Variants in BCL9L observed in about 807,000 individuals in gnomAD.
The protein encoded by BCL9L is B-cell CLL/lymphoma 9-like protein.
A neutral mutation model predicts 99.4 loss-of-function variants in BCL9L; 19 were observed. The observed-to-expected ratio is 0.19, with a 90% confidence interval of 0.13 to 0.28. The LOEUF is 0.28. Ranked by LOEUF, BCL9L falls within the 10% of genes least tolerant of loss-of-function variation. The pLI, the probability that BCL9L is intolerant of heterozygous loss-of-function variation, is 1.00. For missense variants in BCL9L, 2,023 were observed against 2,101.6 expected, an observed-to-expected ratio of 0.96 and a Z score of 0.73; for synonymous variants, 900 against 854.8, an observed-to-expected ratio of 1.05 and a Z score of -0.92.
At chr11:118,904,584 C>T (rs1482753373) in intron 5 of BCL9L, among the ~76,000 whole-genome samples, 3 of 152,170 alleles carry the variant, frequency 2.0e-5, no homozygotes, top group Non-Finnish European at 4.4e-5. Context: ...TAAGTCTTAG[C>T]GTAGAAAAAA....
Position 118,898,530 on chromosome 11 carries a change from G to A in BCL9L, c.4385C>T (p.Pro1462Leu), listed in dbSNP as rs750741129. 2.5e-6 allele frequency: 4 copies of A among 1,600,236 alleles called. No homozygotes were observed. Among genetic ancestry groups the A allele is most frequent in the Admixed American group, 3.4e-5 (2 of 59,300 alleles). The change falls in exon 10 of 10, where the codon CCC becomes CTC. Residue 1462 changes from proline (P) to leucine (L), a missense_variant. Pro to Leu is a moderately conservative substitution (Grantham distance 98, BLOSUM62 -3). Around this residue, in one of 3 missense-constraint regions of BCL9L, gnomAD observed 902 missense variants for 888.2 expected, o/e 1.02. Coordinates refer to ENST00000683865, the MANE Select transcript of BCL9L (RefSeq NM_001378213.1). ...MLSPQGSLMGPPPQQNLMVSH... is the reference protein window; with the variant it reads ...MLSPQGSLMGLPPQQNLMVSH... ...CACCATGAGGTTCTGCTGGGGCGGG[G>A]GGCCCATGAGGGAGCCCTGCGGGGA...
In BCL9L at chr11:118,903,708, G is replaced by T. The variant is rs1254789930; in HGVS notation, c.533-256C>A. Among the ~76,000 whole-genome samples the T allele has an allele frequency of 6.6e-6, 1 of 152,152 alleles. No homozygotes were observed. The highest frequency in any genetic ancestry group is 1.5e-5 in the Non-Finnish European group (1 of 68,036). Reference sequence around the variant, plus strand: ...ATTCTGCTGGGGACTTAACAGGTGTGATTTCATCTCATCAACACACCCTGG... The same window carrying T: ...ATTCTGCTGGGGACTTAACAGGTGTTATTTCATCTCATCAACACACCCTGG... On this transcript the variant is annotated intron_variant, in intron 5 of 9. Transcript: ENST00000683865. The surrounding 1 kb of genome is among the most constrained non-coding windows in gnomAD (Gnocchi z 5.6).
intron 5 of BCL9L, among the ~76,000 whole-genome samples, chr11:118,906,758 G>T (rs1940540258): frequency 6.6e-6 from 1 of 151,998 alleles, no homozygotes. Flanking sequence ...CTGGGCTCAA[G>T]CAATTCTCCG....
At position 118,899,387 on chromosome 11, in the gene BCL9L, G is replaced by A. The variant is rs780049002; in HGVS notation, c.3528C>T (p.Pro1176=). Residue 1176 remains proline, a synonymous_variant, in exon 10 of 10, where the codon CCC becomes CCT. Transcript: ENST00000683865. ...LSHEPPPAML[P]SPTPLGSNIP... is the part of the protein sequence containing the mutation. ...TGTTGGAGCCCAGAGGGGTGGGGGA[G>A]GGCAGCATGGCGGGCGGGGGCTCAT... 3.8e-6 allele frequency: 6 copies of A among 1,585,954 alleles called. No individual in the cohort carries two copies. Among genetic ancestry groups the A allele is most frequent in the Admixed American group, 1.8e-5 (1 of 55,684 alleles).
chr11:118,898,294 G>GCCCCCACCCCCCCCCCCCCCCCCCC lies in BCL9L; in HGVS notation c.*120_*121insGGGGGGGGGGGGGGGGGGGTGGGGG. On this transcript the variant is annotated 3_prime_UTR_variant, in exon 10 of 10. Transcript: ENST00000683865. ...TCCACAAATGCCACTCCCTACACAA[G>GCCCCCACCCCCCCCCCCCCCCCCCC]CCCCCTCCCACCCCCTCCACCCCAC... The GCCCCCACCCCCCCCCCCCCCCCCCC allele has an allele frequency of 2.2e-6, 1 of 452,312 alleles. No individual in the cohort carries two copies. The highest frequency in any genetic ancestry group is 4.1e-6 in the Non-Finnish European group (1 of 244,762). 28.0% of individuals were successfully genotyped at this position (452,312 alleles called of 1,614,324 possible).
Position 118,899,196 on chromosome 11 carries a change from G to A in BCL9L, c.3719C>T (p.Ala1240Val). The A allele has an allele frequency of 2.0e-6, 3 of 1,494,844 alleles. No individual in the cohort carries two copies. Among genetic ancestry groups the A allele is most frequent in the Non-Finnish European group, 2.7e-6 (3 of 1,121,538 alleles). 92.6% of individuals were successfully genotyped at this position (1,494,844 alleles called of 1,614,324 possible). A position where few individuals can be genotyped will look rare whatever the true frequency, so the allele number is the denominator to read the frequency against. ...CCCCCCGCCCCCACCCCCAGTGGGG[G>A]CCATGGCACCATGGGGCTGCTGCAG... is the stretch of plus-strand genomic sequence containing the variant. The part of the protein sequence containing the change: ...PRLQQPHGAM[A>V]PTGGGGGGPG... The change falls in exon 10 of 10, where the codon GCC (alanine) becomes GTC (valine). Residue 1240 changes from alanine to valine, a missense_variant. Physicochemically the swap from Ala to Val is moderately conservative, Grantham distance 64. Around this residue, in one of 3 missense-constraint regions of BCL9L, gnomAD observed 902 missense variants for 888.2 expected, o/e 1.02. Transcript: ENST00000683865.
At chr11:118,923,548 T>C (rs1941203056) in intron 1 of BCL9L, among the ~76,000 whole-genome samples, 1 of 152,134 alleles carries the variant, frequency 6.6e-6, no homozygotes, top group Non-Finnish European at 1.5e-5. Context: ...TGACTCCCCA[T>C]CCTAGTAGAG....
rs11217096 is a variant in BCL9L at position 118,925,861 on chromosome 11, C to T, written c.-754G>A. ...GGCTCCGCCGCGCGCCGCCGCCTCC[C>T]CGGGCTCCCCTGCGCTGCCGGAGCC... On this transcript the variant is annotated 5_prime_UTR_variant, in exon 1 of 10. Transcript: ENST00000683865. This position sits in a 1 kb window ranked among gnomAD's most constrained non-coding sequence, Gnocchi z 6.4. Among the ~76,000 whole-genome samples the T allele has an allele frequency of 0.43, 65,725 of 151,372 alleles. 14,658 individuals carry two copies. The highest frequency in any genetic ancestry group is 0.67 in the East Asian group (3,390 of 5,064).
rs1286294353 is a variant in BCL9L, at chr11:118,922,482, G to A, written c.-131+2756C>T. 6.6e-6 allele frequency among the ~76,000 whole-genome samples: 1 copy of A among 152,194 alleles called. No homozygotes were observed. Among genetic ancestry groups the A allele is most frequent in the African/African-American group, 2.4e-5 (1 of 41,446 alleles). ...AGGGCAGCCCCCACGGTGTGTTTGT[G>A]GGTGGGCAGCTGTCGGGGCTGGCAG... On this transcript the variant is annotated intron_variant, in intron 1 of 9. Transcript: ENST00000683865. The surrounding 1 kb of genome is among the most constrained non-coding windows in gnomAD (Gnocchi z 6.2).
At position 118,902,379 on chromosome 11, in the gene BCL9L, G is replaced by C. The variant is rs1237236335; in HGVS notation, c.1364C>G (p.Pro455Arg). The change falls in exon 8 of 10, where the codon CCC becomes CGC. Residue 455 changes from proline (P) to arginine (R), a missense_variant. Pro to Arg is a moderately radical substitution (Grantham distance 103). This residue lies in a region of BCL9L where 1,116 missense variants were observed against 1,194.6 expected (regional missense o/e 0.93). Coordinates refer to ENST00000683865, the MANE Select transcript of BCL9L (RefSeq NM_001378213.1). This position sits in a 1 kb window ranked among gnomAD's most constrained non-coding sequence, Gnocchi z 7.8. ...CTTCAGCCCGCTGGGAGGGGCCGTG[G>C]GTGGCTGCTGGGGGGGAGGGGGGGC... Reference protein sequence around the residue: ...AQAPPPPQQPPTAPPSGLKKY... With the variant: ...AQAPPPPQQPRTAPPSGLKKY... The C allele has an allele frequency of 6.5e-7, 1 of 1,544,578 alleles. No individual in the cohort carries two copies.
chr11:118,915,162 G>GT (rs1357294639), intron 2 of BCL9L, among the ~76,000 whole-genome samples: 2 of 152,118 alleles, frequency 1.3e-5, no homozygotes, highest in African/African-American at 4.8e-5. Flanking sequence ...TAGTCAGACA[G>GT]TGTCAATCAC....
In BCL9L at chr11:118,899,339, C is replaced by T; in HGVS notation, c.3576G>A (p.Gln1192=). 6.4e-7 allele frequency: 1 copy of T among 1,570,622 alleles called. No individual in the cohort carries two copies. Among genetic ancestry groups the T allele is most frequent in the Non-Finnish European group, 8.6e-7 (1 of 1,159,274 alleles). Residue 1192 remains glutamine, a synonymous_variant, in exon 10 of 10, where the codon CAG becomes CAA. Coordinates refer to ENST00000683865, the MANE Select transcript of BCL9L (RefSeq NM_001378213.1). ...GSNIPLHPNA[Q]GTGGPPQNSM... ...AGTTTTGAGGGGGCCCCCCTGTCCC[C>T]TGTGCGTTGGGATGCAGTGGAATGT...
In BCL9L at chr11:118,898,669, G is replaced by A. The variant is rs1591972934; in HGVS notation, c.4246C>T (p.Leu1416=). The change falls in exon 10 of 10, where the codon CTG becomes TTG. Residue 1416 remains leucine (L), a synonymous_variant. Transcript: ENST00000683865. ...GGAGGGGACATGACCCCCTGGTGCA[G>A]GCCATGGGGCACCATCCCCTGCTGT... The part of the protein sequence containing the change: ...PPQQGMVPHG[L]HQGVMSPPQG... The A allele has an allele frequency of 1.2e-6, 2 of 1,611,312 alleles. No individual in the cohort carries two copies. Among genetic ancestry groups the A allele is most frequent in the Admixed American group, 1.7e-5 (1 of 59,870 alleles).
Position 118,908,376 on chromosome 11 carries a change from G to C in BCL9L, c.306C>G (p.Pro102=), listed in dbSNP as rs769347569. 1.2e-6 allele frequency: 2 copies of C among 1,613,884 alleles called. No individual in the cohort carries two copies. Among genetic ancestry groups the C allele is most frequent in the Middle Eastern group, 1.7e-4 (1 of 6,060 alleles). ...CCTTGCCCTTGAGCGAGCTGAAAGGGGGCACCCCTGCCTGGGGGTTCTTCA... is the reference window on the plus strand; with the variant it reads ...CCTTGCCCTTGAGCGAGCTGAAAGGCGGCACCCCTGCCTGGGGGTTCTTCA... ...SSLKNPQAGV[P]PFSSLKGKVK... The change falls in exon 4 of 10, where the codon CCC becomes CCG. Residue 102 remains proline, a synonymous_variant. Transcript: ENST00000683865.
chr11:118,901,814 C>A lies in BCL9L; in HGVS notation c.1929G>T (p.Leu643Phe), dbSNP rs1414663122. The change falls in exon 8 of 10, where the codon TTG (leucine) becomes TTT (phenylalanine). Residue 643 changes from leucine to phenylalanine, a missense_variant. Coordinates refer to ENST00000683865, the MANE Select transcript of BCL9L (RefSeq NM_001378213.1). This position sits in a 1 kb window ranked among gnomAD's most constrained non-coding sequence, Gnocchi z 6.6. Reference protein sequence around the residue: ...VRPGMGWTEDLPPMGGPSNFA... With the variant: ...VRPGMGWTEDFPPMGGPSNFA... ...AATTGCTGGGTCCCCCCATAGGGGG[C>A]AAGTCTTCGGTCCAGCCCATGCCTG... 1.9e-6 allele frequency: 3 copies of A among 1,610,254 alleles called. No homozygotes were observed. The highest frequency in any genetic ancestry group is 2.2e-5 in the East Asian group (1 of 44,754).
chr11:118,900,990 G>T lies in BCL9L; in HGVS notation c.2753C>A (p.Thr918Asn), dbSNP rs141828809. The T allele has an allele frequency of 7.1e-6, 11 of 1,553,796 alleles. No individual in the cohort carries two copies. In the South Asian group the frequency reaches 1.2e-4, roughly 18 times the overall value. Residue 918 changes from threonine (T) to asparagine (N), a missense_variant, in exon 8 of 10, where the codon ACC becomes AAC. By Grantham distance (65) the Thr-to-Asn change is moderately conservative. Transcript: ENST00000683865. This position sits in a 1 kb window ranked among gnomAD's most constrained non-coding sequence, Gnocchi z 5.3. ...TGAGCCCATCTGATTAATACTGATG[G>T]TGAGGTCCGAAGGCCGCCTGCCTAG... ...RGLGRRPSDLTISINQMGSPG... is the reference protein window; with the variant it reads ...RGLGRRPSDLNISINQMGSPG...
rs779477924 is a variant in BCL9L at position 118,901,061 on chromosome 11, A to C, written c.2682T>G (p.Pro894=). Residue 894 remains proline (P), a synonymous_variant, in exon 8 of 10, where the codon CCT becomes CCG. Transcript: ENST00000683865. This position sits in a 1 kb window ranked among gnomAD's most constrained non-coding sequence, Gnocchi z 6.6. ...TTRLSHMPLP[P]ASNPPGTVHS... is the part of the protein sequence containing the mutation. ...GCACGGTCCCAGGAGGATTGGACGC[A>C]GGGGGCAGAGGCATGTGGCTGAGCC... 1 of 1,599,694 alleles carries C rather than the reference A, an allele frequency of 6.3e-7. No homozygotes were observed. Among genetic ancestry groups the C allele is most frequent in the Non-Finnish European group, 8.5e-7 (1 of 1,172,424 alleles).
chr11:118,898,806 G>T lies in BCL9L; in HGVS notation c.4109C>A (p.Thr1370Asn), dbSNP rs1940051758. ...TGGGAGGTTGGGAGGCCGAGAGGGA[G>T]TCTGCTCCGCCATCATGTTCTGCAG... ...MNLQNMMAEQ[T>N]PSRPPNLPGQ... Residue 1370 changes from threonine to asparagine, a missense_variant, in exon 10 of 10, where the codon ACT becomes AAT. Transcript: ENST00000683865. 1 of 1,613,874 alleles carries T rather than the reference G, an allele frequency of 6.2e-7. No homozygotes were observed. The highest frequency in any genetic ancestry group is 1.3e-5 in the African/African-American group (1 of 74,916).
Position 118,902,222 on chromosome 11 carries a change from C to G in BCL9L, c.1521G>C (p.Arg507Ser), listed in dbSNP as rs760443854. Residue 507 changes from arginine to serine, a missense_variant, in exon 8 of 10, where the codon AGG becomes AGC. By Grantham distance (110) the Arg-to-Ser change is moderately radical (BLOSUM62 -1). Coordinates refer to ENST00000683865, the MANE Select transcript of BCL9L (RefSeq NM_001378213.1). This position sits in a 1 kb window ranked among gnomAD's most constrained non-coding sequence, Gnocchi z 7.8. ...MGQQMNMMIQ[R>S]LGQDSLTPEQ... ...CAGGCGTGAGGCTGTCCTGGCCCAG[C>G]CTCTGTATCATCATGTTCATCTGCT... 3 of 1,613,292 alleles carry G rather than the reference C, an allele frequency of 1.9e-6. No homozygotes were observed. In the African/African-American group the frequency reaches 4.0e-5, roughly 22 times the overall value.
Sources: allele counts gnomAD v4.1 joint callset (sites outside exome capture counted in the v4.1 genomes callset), GRCh38; gene constraint gnomAD v4.1.1; regional missense constraint gnomAD v4.1.1; non-coding constraint Gnocchi (gnomAD v3.1); transcripts MANE v1.5; gene names NCBI Gene and HGNC (gene_info 2026-07-23, HGNC 2026-07-21).